Variants in RALYL observed in about 807,000 individuals in gnomAD.
RALYL encodes RNA-binding Raly-like protein.
A neutral mutation model predicts 35.1 loss-of-function variants in RALYL; 29 were observed. That is an observed-to-expected ratio of 0.83 (90% CI 0.61 to 1.13). The LOEUF is 1.13. RALYL is among the 50% of genes most tolerant of loss of function. The pLI is 0.00. For missense variants in RALYL, 359 were observed against 360.4 expected (o/e 1.00, Z 0.03); for synonymous variants, 120 against 127.6 (o/e 0.94, Z 0.40).
intron 1 of RALYL, among the ~76,000 whole-genome samples, chr8:84,389,839 T>A (rs1860191170): frequency 6.6e-6 from 1 of 151,026 alleles, no homozygotes; most frequent in Non-Finnish European, 1.5e-5. Flanking sequence ...CTTTATTTCC[T>A]TCTCCTGCCT....
intron 2 of RALYL, among the ~76,000 whole-genome samples, chr8:84,573,504 A>G (rs1045138178): frequency 3.3e-5 from 5 of 151,834 alleles, no homozygotes; most frequent in Non-Finnish European, 5.9e-5. Context: ...GTATTCAACA[A>G]TTTCATTAGA....
chr8:84,474,957 A>G (rs1313825307), intron 1 of RALYL, among the ~76,000 whole-genome samples: 3 of 143,908 alleles, frequency 2.1e-5, no homozygotes, highest in Non-Finnish European at 4.5e-5. Flanking sequence ...ACATGGGCAC[A>G]ATGTGCAGGT....
At chr8:84,566,850 C>A (rs958000949) in intron 2 of RALYL, among the ~76,000 whole-genome samples, 1 of 151,636 alleles carries the variant, frequency 6.6e-6, no homozygotes, top group South Asian at 2.1e-4. Flanking sequence ...ATTTTCCCAG[C>A]TTTTTAAATT....
At chr8:84,490,127 G>C (rs2055117485) in intron 1 of RALYL, among the ~76,000 whole-genome samples, 1 of 144,408 alleles carries the variant, frequency 6.9e-6, no homozygotes, top group Non-Finnish European at 1.5e-5. Context: ...GTGTTGAGTG[G>C]GGAGGGAATA....
chr8:84,360,111 C>T (rs1852667087), intron 1 of RALYL, among the ~76,000 whole-genome samples: 1 of 152,074 alleles, frequency 6.6e-6, no homozygotes, highest in Non-Finnish European at 1.5e-5. Context: ...GGCCTTAAGT[C>T]ATCCGCCCAC....
intron 1 of RALYL, among the ~76,000 whole-genome samples, chr8:84,298,230 A>G (rs1245570324): frequency 6.6e-6 from 1 of 152,018 alleles, no homozygotes; most frequent in African/African-American, 2.4e-5. Flanking sequence ...AGGAAAGGAT[A>G]CAATTTCAAT....
At chr8:84,842,719 G>A (rs1028078390) in intron 4 of RALYL, among the ~76,000 whole-genome samples, 40 of 152,100 alleles carry the variant, frequency 2.6e-4, no homozygotes, top group Non-Finnish European at 4.7e-4. Context: ...AAAATCCTCA[G>A]TAAAATACTG....
intron 2 of RALYL, among the ~76,000 whole-genome samples, chr8:84,674,124 C>T (rs1443975017): frequency 6.6e-6 from 1 of 151,860 alleles, no homozygotes; most frequent in East Asian, 1.9e-4. Context: ...GTATTTTATC[C>T]TTTTTGTGAC....
chr8:84,708,908 A>G (rs191561821), intron 2 of RALYL, among the ~76,000 whole-genome samples: 194 of 152,266 alleles, frequency 1.3e-3, no homozygotes, highest in Non-Finnish European at 2.3e-3. Flanking sequence ...ATAGCACAAT[A>G]CCTGTGCCAT....
At chr8:84,339,496 T>C (rs1848397555) in intron 1 of RALYL, among the ~76,000 whole-genome samples, 1 of 151,884 alleles carries the variant, frequency 6.6e-6, no homozygotes, top group Non-Finnish European at 1.5e-5. Context: ...GACCATCTAG[T>C]TGCAGGAAAA....
chr8:84,640,644 C>A (rs1564291404), intron 2 of RALYL, among the ~76,000 whole-genome samples: 2 of 151,724 alleles, frequency 1.3e-5, no homozygotes, highest in Admixed American at 6.6e-5. Flanking sequence ...CAGGCCACAA[C>A]AATAGTTACA....
chr8:84,341,244 G>A (rs1848737267), intron 1 of RALYL, among the ~76,000 whole-genome samples: 1 of 148,572 alleles, frequency 6.7e-6, no homozygotes, highest in Non-Finnish European at 1.5e-5. Flanking sequence ...GTTTGCCAAT[G>A]AGAGACTAAA....
intron 2 of RALYL, among the ~76,000 whole-genome samples, chr8:84,581,246 A>G (rs1194477357): frequency 6.6e-6 from 1 of 152,218 alleles, no homozygotes; most frequent in Non-Finnish European, 1.5e-5. Flanking sequence ...AAGGAAGGTG[A>G]CATAGATCTT....
At chr8:84,677,326 G>A (rs974022215) in intron 2 of RALYL, among the ~76,000 whole-genome samples, 2 of 151,990 alleles carry the variant, frequency 1.3e-5, no homozygotes, top group Non-Finnish European at 1.5e-5. Context: ...TGAATAACAT[G>A]GTTCAGATAT....
intron 1 of RALYL, among the ~76,000 whole-genome samples, chr8:84,317,265 A>G (rs746272960): frequency 3.3e-5 from 5 of 152,120 alleles, no homozygotes; most frequent in Admixed American, 1.3e-4. Context: ...ACAGTGTCTG[A>G]CCTTAAGGAT....
At chr8:84,557,451 G>A (rs934479820) in intron 2 of RALYL, among the ~76,000 whole-genome samples, 3 of 152,178 alleles carry the variant, frequency 2.0e-5, no homozygotes, top group African/African-American at 7.2e-5. Context: ...ACAGGCTGAG[G>A]AATTAAATGA....
intron 2 of RALYL, among the ~76,000 whole-genome samples, chr8:84,588,543 C>T (rs754345052): frequency 2.0e-5 from 3 of 152,160 alleles, no homozygotes; most frequent in Non-Finnish European, 2.9e-5. Flanking sequence ...AAAAAGCCAG[C>T]GTTTCCAGAT....
intron 1 of RALYL, among the ~76,000 whole-genome samples, chr8:84,309,931 A>C (rs1385762392): frequency 6.6e-6 from 1 of 152,066 alleles, no homozygotes; most frequent in Non-Finnish European, 1.5e-5. Context: ...CACTCTTTTG[A>C]GCAGGCTTGT....
intron 2 of RALYL, among the ~76,000 whole-genome samples, chr8:84,751,624 G>T (rs547026075): frequency 6.6e-6 from 1 of 152,210 alleles, no homozygotes; most frequent in East Asian, 1.9e-4. Flanking sequence ...GGAGGTGACT[G>T]GATCATGGGG....
Sources: gnomAD v4.1 joint callset for allele counts (sites outside exome capture counted in the v4.1 genomes callset) on GRCh38, gnomAD v4.1.1 for gene constraint, MANE v1.5 for transcripts, NCBI Gene and HGNC (gene_info 2026-07-23, HGNC 2026-07-21) for gene names.